Variants in ANKRD46 observed in about 807,000 individuals in gnomAD.
ANKRD46 encodes the protein ankyrin repeat domain 46.
Under a neutral mutation model 19.8 loss-of-function variants are expected in ANKRD46, and 13 were observed. That is an observed-to-expected ratio of 0.66 (90% CI 0.43 to 1.04). The LOEUF is 1.04. Among genes scored for constraint, ANKRD46 ranks in the 50% least tolerant of loss-of-function variants. ANKRD46 has a pLI of 0.00. For missense variants in ANKRD46, 185 were observed against 274.8 expected, an observed-to-expected ratio of 0.67 and a Z score of 2.31; for synonymous variants, 91 against 106.9, an observed-to-expected ratio of 0.85 and a Z score of 0.92.
At chr8:100,517,860 C>A (rs960527731), downstream of ANKRD46, among the ~76,000 whole-genome samples, 2 of 152,210 alleles carry the variant, frequency 1.3e-5, no homozygotes, top group Non-Finnish European at 2.9e-5. Flanking sequence ...TCCTGGTGTT[C>A]ACTCCAAGAT....
At position 100,529,734 on chromosome 8, in the gene ANKRD46, T is replaced by C; in HGVS notation, c.100A>G (p.Ser34Gly). 1 of 1,614,244 alleles carries C rather than the reference T, an allele frequency of 6.2e-7. No individual in the cohort carries two copies. The highest frequency in any genetic ancestry group is 1.1e-5 in the South Asian group (1 of 91,088). ...DFNYSKRLLE[S>G]GFDPNIRDSR... ...TCACGAATATTTGGGTCAAAGCCAC[T>C]TTCCAAAAGCCGCTTGGAATAATTA... The change falls in exon 3 of 5, where the codon AGT becomes GGT. Residue 34 changes from serine (S) to glycine (G), a missense_variant. Transcript: ENST00000335659. This position sits in a 1 kb window ranked among gnomAD's most constrained non-coding sequence, Gnocchi z 5.8.
chr8:100,551,230 G>A, intron 1 of ANKRD46: 1 of 463,184 alleles, frequency 2.2e-6, no homozygotes, highest in Non-Finnish European at 4.1e-6. Context: ...GTCATGGATG[G>A]GCTTGGCCGG....
chr8:100,542,655 G>A (rs1812197452), intron 1 of ANKRD46, among the ~76,000 whole-genome samples: 1 of 152,080 alleles, frequency 6.6e-6, no homozygotes, highest in South Asian at 2.1e-4. Context: ...GGAAGTACAT[G>A]CTTAGAAATG....
At chr8:100,540,150 A>G (rs1373253946) in intron 1 of ANKRD46, among the ~76,000 whole-genome samples, 1 of 152,018 alleles carries the variant, frequency 6.6e-6, no homozygotes, top group Non-Finnish European at 1.5e-5. Flanking sequence ...CCTCATAGAA[A>G]CCCTACAAGG....
rs1425885791 is a variant in ANKRD46, at chr8:100,534,147, A to G, written c.-130-836T>C. Among the ~76,000 whole-genome samples, 1 of 152,254 alleles carries G rather than the reference A, an allele frequency of 6.6e-6. No individual in the cohort carries two copies. The highest frequency in any genetic ancestry group is 2.4e-5 in the African/African-American group (1 of 41,478). On this transcript the variant is annotated intron_variant, in intron 1 of 4. Coordinates refer to ENST00000335659, the MANE Select transcript of ANKRD46 (RefSeq NM_001270377.2). The surrounding 1 kb of genome is among the most constrained non-coding windows in gnomAD (Gnocchi z 4.2). ...CAAATTCCTGGTCAGGGTGAAATAC[A>G]GGTTAACTTTTTACCGATCATCCTT...
In ANKRD46 at chr8:100,510,727, T is replaced by C; in HGVS notation, c.637-88A>G. 8.4e-7 allele frequency: 1 copy of C among 1,195,626 alleles called. No individual in the cohort carries two copies. 74.1% of individuals were successfully genotyped at this position (1,195,626 alleles called of 1,614,324 possible). ...GATGTGCCAGGACCAGATACAATCA[T>C]AAATATATAGAACCAGAAAGCACAG... On this transcript the variant is annotated intron_variant, in intron 5 of 5. Coordinates refer to the ANKRD46 transcript ENST00000520552. This position sits in a 1 kb window ranked among gnomAD's most constrained non-coding sequence, Gnocchi z 4.9.
At chr8:100,549,496 T>C (rs918136516) in intron 1 of ANKRD46, among the ~76,000 whole-genome samples, 2 of 152,184 alleles carry the variant, frequency 1.3e-5, no homozygotes, top group Admixed American at 6.5e-5. Context: ...AAAAGCATAA[T>C]TTTGCATAAA....
At chr8:100,528,887 C>T (rs1811898433) in intron 3 of ANKRD46, among the ~76,000 whole-genome samples, 1 of 152,108 alleles carries the variant, frequency 6.6e-6, no homozygotes, top group East Asian at 1.9e-4. Context: ...GACTTGACAT[C>T]GTTCCCACTC....
At chr8:100,526,582 T>C (rs1811846811) in intron 4 of ANKRD46, among the ~76,000 whole-genome samples, 1 of 152,196 alleles carries the variant, frequency 6.6e-6, no homozygotes, top group South Asian at 2.1e-4. Context: ...CAGCTTTCAG[T>C]GATCACTCAA....
chr8:100,523,407 C>CA (rs1294838590), intron 4 of ANKRD46, among the ~76,000 whole-genome samples: 1 of 151,338 alleles, frequency 6.6e-6, no homozygotes, highest in African/African-American at 2.4e-5. Context: ...ACCTTGATCT[C>CA]AGACTTCTAG....
rs146199402 is a variant in ANKRD46, at chr8:100,534,617, A to G, written c.-130-1306T>C. Among the ~76,000 whole-genome samples the G allele has an allele frequency of 3.1e-3, 473 of 152,298 alleles. 4 individuals are homozygous for G. Among genetic ancestry groups the G allele is most frequent in the African/African-American group, 0.011 (458 of 41,552 alleles). On this transcript the variant is annotated intron_variant, in intron 1 of 4. Coordinates refer to ENST00000335659, the MANE Select transcript of ANKRD46 (RefSeq NM_001270377.2). This position sits in a 1 kb window ranked among gnomAD's most constrained non-coding sequence, Gnocchi z 4.2. ...TTTCAATGTTAATTAAAATGGTGCA[A>G]GTGGGTTATTCTGGATGTGGTAGAG...
At position 100,525,882 on chromosome 8, in the gene ANKRD46, A is replaced by G. The variant is rs1341348707; in HGVS notation, c.470+1963T>C. 6.6e-6 allele frequency among the ~76,000 whole-genome samples: 1 copy of G among 152,128 alleles called. No individual in the cohort carries two copies. Among genetic ancestry groups the G allele is most frequent in the Admixed American group, 6.5e-5 (1 of 15,282 alleles). Reference sequence around the variant, plus strand: ...AGTGTATGAGGGTTCCAATTTCTCCACATCCTCCAGAGCACTTGTTATTAT... The same window carrying G: ...AGTGTATGAGGGTTCCAATTTCTCCGCATCCTCCAGAGCACTTGTTATTAT... On this transcript the variant is annotated intron_variant, in intron 4 of 4. Coordinates refer to ENST00000335659, the MANE Select transcript of ANKRD46 (RefSeq NM_001270377.2). The surrounding 1 kb of genome is among the most constrained non-coding windows in gnomAD (Gnocchi z 4.4).
chr8:100,534,415 G>T lies in ANKRD46; in HGVS notation c.-130-1104C>A, dbSNP rs757010233. Among the ~76,000 whole-genome samples the T allele has an allele frequency of 6.6e-6, 1 of 152,190 alleles. No individual in the cohort carries two copies. The highest frequency in any genetic ancestry group is 1.5e-5 in the Non-Finnish European group (1 of 68,028). ...ACGCTCCTCATTTCCTACTTCTTTT[G>T]TGATACCACAGTATCAATTTAGACG... On this transcript the variant is annotated intron_variant, in intron 1 of 4. Transcript: ENST00000335659. The surrounding 1 kb of genome is among the most constrained non-coding windows in gnomAD (Gnocchi z 4.2).
At position 100,529,457 on chromosome 8, in the gene ANKRD46, T is replaced by C; in HGVS notation, c.311+66A>G. ...GGAAACAAAACCAACAGACCCAAGA[T>C]AAGATTATCAGTTGAGAGATTAATG... is the stretch of plus-strand genomic sequence containing the variant. On this transcript the variant is annotated intron_variant, in intron 3 of 4. Coordinates refer to ENST00000335659, the MANE Select transcript of ANKRD46 (RefSeq NM_001270377.2). The surrounding 1 kb of genome is among the most constrained non-coding windows in gnomAD (Gnocchi z 5.8). 6.8e-7 allele frequency: 1 copy of C among 1,471,928 alleles called. No individual in the cohort carries two copies. 91.2% of individuals were successfully genotyped at this position (1,471,928 alleles called of 1,614,324 possible).
At chr8:100,548,699 T>C (rs1812320482) in intron 1 of ANKRD46, among the ~76,000 whole-genome samples, 1 of 152,190 alleles carries the variant, frequency 6.6e-6, no homozygotes, top group Non-Finnish European at 1.5e-5. Flanking sequence ...CAGTGGAGTC[T>C]GGAAGTCAGT....
chr8:100,520,298 G>A (rs768094178), downstream of ANKRD46, among the ~76,000 whole-genome samples: 11 of 152,168 alleles, frequency 7.2e-5, no homozygotes, highest in Non-Finnish European at 1.5e-4. Flanking sequence ...TATCAGGCGA[G>A]GTTCTGGATA....
chr8:100,550,787 G>T lies in ANKRD46; in HGVS notation c.-131+8924C>A. 2.2e-6 allele frequency: 1 copy of T among 457,912 alleles called. No individual in the cohort carries two copies. The highest frequency in any genetic ancestry group is 4.2e-6 in the Non-Finnish European group (1 of 236,258). 28.4% of individuals were successfully genotyped at this position (457,912 alleles called of 1,614,324 possible). On this transcript the variant is annotated intron_variant, in intron 1 of 4. Coordinates refer to ENST00000335659, the MANE Select transcript of ANKRD46 (RefSeq NM_001270377.2). The surrounding 1 kb of genome is among the most constrained non-coding windows in gnomAD (Gnocchi z 4.4). ...TGTAGCCAAATTCACTGTTGTACGA[G>T]GAAATGAGCTTGACAAAGTGGTCAC... is the stretch of plus-strand genomic sequence containing the variant.
At chr8:100,531,429 A>T (rs1811960370) in intron 2 of ANKRD46, among the ~76,000 whole-genome samples, 1 of 152,118 alleles carries the variant, frequency 6.6e-6, no homozygotes, top group African/African-American at 2.4e-5. Context: ...TTGGCTTCTC[A>T]GCAGAGCCAT....
intron 2 of ANKRD46, 106 bp downstream of exon 2, chr8:100,533,103 C>T (rs982469638): frequency 6.6e-6 from 1 of 152,112 alleles, no homozygotes; most frequent in Non-Finnish European, 1.5e-5. Context: ...TTTAATAAGC[C>T]CAATGATAGT....
Sources: allele counts gnomAD v4.1 joint callset (sites outside exome capture counted in the v4.1 genomes callset), GRCh38; gene constraint gnomAD v4.1.1; non-coding constraint Gnocchi (gnomAD v3.1); transcripts MANE v1.5; gene names NCBI Gene and HGNC (gene_info 2026-07-23, HGNC 2026-07-21).